The following PUS3 variants were observed in gnomAD, a reference collection of about 807,000 sequenced individuals.
PUS3 encodes the protein pseudouridine synthase 3.
In PUS3, 36 loss-of-function variants were observed where a neutral mutation model predicts 43.3. The ratio of observed to expected loss-of-function variants is 0.83; its 90% CI spans 0.64 to 1.10. The LOEUF is 1.10. Among genes scored for constraint, PUS3 ranks in the 50% least tolerant of loss-of-function variants. The pLI is 0.00. For missense variants in PUS3, 544 were observed against 589.9 expected, an observed-to-expected ratio of 0.92 and a Z score of 0.81; for synonymous variants, 183 against 199.2, an observed-to-expected ratio of 0.92 and a Z score of 0.69.
chr11:125,893,696 T>G lies in PUS3; in HGVS notation c.*89A>C. On this transcript the variant is annotated 3_prime_UTR_variant, in exon 4 of 4. Coordinates refer to ENST00000227474, the MANE Select transcript of PUS3 (RefSeq NM_031307.4). Reference sequence around the variant, plus strand: ...TCTTTTAAGAGCTGATCATCTGAATTCCTAGTACTTGCAAGTAAATTTTTT... The same window carrying G: ...TCTTTTAAGAGCTGATCATCTGAATGCCTAGTACTTGCAAGTAAATTTTTT... The G allele has an allele frequency of 9.8e-7, 1 of 1,023,730 alleles. No individual in the cohort carries two copies. Among genetic ancestry groups the G allele is most frequent in the Non-Finnish European group, 1.4e-6 (1 of 727,604 alleles). The allele number at this position is 1,023,730 out of a possible 1,614,324, so 63.4% of individuals were successfully genotyped here.
At chr11:125,900,409 C>A in intron 1 of PUS3, 1 of 741,440 alleles carries the variant, frequency 1.3e-6, no homozygotes, top group Non-Finnish European at 2.3e-6. Flanking sequence ...TCTTTCCTAG[C>A]TATATATCAC....
In PUS3 at chr11:125,899,504, A is replaced by G. The variant is rs368826491; in HGVS notation, c.-46-3174T>C. 8 of 1,614,064 alleles carry G rather than the reference A, an allele frequency of 5.0e-6. No homozygotes were observed. Among genetic ancestry groups the G allele is most frequent in the Non-Finnish European group, 5.9e-6 (7 of 1,180,050 alleles). ...AGATGTCAGGAGAGAAGCCCAATCT[A>G]TCCAATATGATCCCTACAGTAAAGC... is the stretch of plus-strand genomic sequence containing the variant. On this transcript the variant is annotated intron_variant, in intron 1 of 3. Coordinates refer to ENST00000227474, the MANE Select transcript of PUS3 (RefSeq NM_031307.4).
intron 1 of PUS3, chr11:125,900,286 T>A: frequency 6.2e-7 from 1 of 1,612,354 alleles, no homozygotes. Flanking sequence ...TAAACTTCTT[T>A]CACAGGATTG....
rs573833048 is a variant in PUS3, at chr11:125,897,754, G to A, written c.-46-1424C>T. ...GAATAGAGACACAAGCTCTATTAAT[G>A]TATGGTCAGTACAGCTTCTTTGGAG... On this transcript the variant is annotated intron_variant, in intron 1 of 3. Transcript: ENST00000227474. Among the ~76,000 whole-genome samples the A allele has an allele frequency of 2.0e-5, 3 of 152,298 alleles. No individual in the cohort carries two copies. In the South Asian group the frequency reaches 6.2e-4, roughly 32 times the overall value.
chr11:125,900,594 T>C, intron 1 of PUS3: 1 of 337,848 alleles, frequency 3.0e-6, no homozygotes, highest in Non-Finnish European at 5.8e-6. Flanking sequence ...TCAGTGTGTG[T>C]TTTTTAAGTT....
In PUS3 at chr11:125,899,985, A is replaced by G. The variant is rs777290334; in HGVS notation, c.-47+3185T>C. 5.0e-6 allele frequency: 8 copies of G among 1,614,094 alleles called. No homozygotes were observed. In the African/African-American group the frequency reaches 9.3e-5, roughly 19 times the overall value. On this transcript the variant is annotated intron_variant, in intron 1 of 3. Coordinates refer to ENST00000227474, the MANE Select transcript of PUS3 (RefSeq NM_031307.4). ...CCAAAGCTGGACCAGTTAAGCCGAAACCGGGGCAAGACAGACCGGGTAGCC... is the reference window on the plus strand; with the variant it reads ...CCAAAGCTGGACCAGTTAAGCCGAAGCCGGGGCAAGACAGACCGGGTAGCC...
Position 125,895,590 on chromosome 11 carries a change from C to T in PUS3, c.578G>A (p.Arg193Gln), listed in dbSNP as rs576405108. 10 of 1,614,102 alleles carry T rather than the reference C, an allele frequency of 6.2e-6. No homozygotes were observed. The highest frequency in any genetic ancestry group is 4.5e-5 in the East Asian group (2 of 44,904). Residue 193 changes from arginine (R) to glutamine (Q), a missense_variant, in exon 3 of 4, where the codon CGG becomes CAG. Transcript: ENST00000227474. ...SFSARFSCLE[R>Q]TYRYFFPRAD... ...ACGAGGGAAAAAATAGCGGTAAGTC[C>T]GCTCAAGGCAGCTGAACCTAGCACT...
Position 125,893,773 on chromosome 11 carries a change from A to C in PUS3, c.*12T>G, listed in dbSNP as rs200663209. The stretch of plus-strand genomic sequence containing the variant: ...ATTAGGTGGTTCCTAGATCCTGGCA[A>C]ATTGTCTATGGTTAAATGATGCTTT... On this transcript the variant is annotated 3_prime_UTR_variant, in exon 4 of 4. Coordinates refer to ENST00000227474, the MANE Select transcript of PUS3 (RefSeq NM_031307.4). 56 of 1,583,490 alleles carry C rather than the reference A, an allele frequency of 3.5e-5. No homozygotes were observed. In the African/African-American group the frequency reaches 6.9e-4, roughly 20 times the overall value.
rs757401869 is a variant in PUS3 at position 125,899,683 on chromosome 11, G to A, written c.-46-3353C>T. Reference sequence around the variant, plus strand: ...AGGTGCTGCGCAGAAAGCCAGATGGGGAAGTATTAGTAACAGATGAGTCGA... The same window carrying A: ...AGGTGCTGCGCAGAAAGCCAGATGGAGAAGTATTAGTAACAGATGAGTCGA... On this transcript the variant is annotated intron_variant, in intron 1 of 3. Coordinates refer to ENST00000227474, the MANE Select transcript of PUS3 (RefSeq NM_031307.4). The A allele has an allele frequency of 6.2e-7, 1 of 1,614,160 alleles. No homozygotes were observed. Among genetic ancestry groups the A allele is most frequent in the Non-Finnish European group, 8.5e-7 (1 of 1,180,028 alleles).
intron 1 of PUS3, chr11:125,900,994 G>C (rs1171703519): frequency 8.9e-6 from 1 of 112,960 alleles, no homozygotes. Context: ...CTGGGCGACA[G>C]CGAGACTCCG....
chr11:125,901,004 G>C (rs1944756504), intron 1 of PUS3, among the ~76,000 whole-genome samples: 1 of 43,442 alleles, frequency 2.3e-5, no homozygotes, highest in Non-Finnish European at 4.3e-5. Context: ...GCGAGACTCC[G>C]TCTCAAAAAA....
In PUS3 at chr11:125,896,080, T is replaced by C. The variant is rs148523530; in HGVS notation, c.205A>G (p.Ile69Val). The change falls in exon 2 of 4, where the codon ATA (isoleucine) becomes GTA (valine). Residue 69 changes from isoleucine (I) to valine (V), a missense_variant. Physicochemically the swap from Ile to Val is conservative, Grantham distance 29. Transcript: ENST00000227474. Reference protein sequence around the residue: ...AHGRRHVALRIAYMGWGYQGF... With the variant: ...AHGRRHVALRVAYMGWGYQGF... ...TGGTATCCCCAGCCCATATAGGCTA[T>C]TCTTAGGGCTACGTGTCTTCGGCCA... is the stretch of plus-strand genomic sequence containing the variant. 529 of 1,614,128 alleles carry C rather than the reference T, an allele frequency of 3.3e-4. 2 individuals are homozygous for C. Among genetic ancestry groups the C allele is most frequent in the South Asian group, 1.1e-3 (101 of 91,088 alleles).
rs1470920334 is a variant in PUS3 at position 125,902,366 on chromosome 11, G to A, written c.-47+804C>T. 4.6e-5 allele frequency among the ~76,000 whole-genome samples: 7 copies of A among 151,916 alleles called. No individual in the cohort carries two copies. The South Asian group carries it at 1.0e-3, about 23-fold the overall frequency. On this transcript the variant is annotated intron_variant, in intron 1 of 3. Transcript: ENST00000227474. ...TCCCAACATTTTGAGAGGCCAAGAC[G>A]GGGTGGTGGCGGGGGGGAGGGGGGG...
chr11:125,894,765 A>G (rs1944522854), intron 3 of PUS3, among the ~76,000 whole-genome samples: 1 of 152,242 alleles, frequency 6.6e-6, no homozygotes, highest in Non-Finnish European at 1.5e-5. Context: ...GCAAGATTTA[A>G]TATGAATAGT....
At chr11:125,902,964 A>T (rs1944818055) in intron 1 of PUS3, among the ~76,000 whole-genome samples, 2 of 152,124 alleles carry the variant, frequency 1.3e-5, no homozygotes, top group Non-Finnish European at 2.9e-5. Context: ...GTTTCCACCG[A>T]GAGCTCCAGA....
Position 125,903,191 on chromosome 11 carries a change from G to A in PUS3, c.-68C>T, listed in dbSNP as rs549113400. ...TTACTTTCCGGCAGCCGGCCGCGCC[G>A]CGTTTCCGAGAAAGGAAGCTGTCAC... On this transcript the variant is annotated 5_prime_UTR_variant, in exon 1 of 4. Coordinates refer to ENST00000227474, the MANE Select transcript of PUS3 (RefSeq NM_031307.4). 8 of 985,360 alleles carry A rather than the reference G, an allele frequency of 8.1e-6. No homozygotes were observed. The South Asian group carries it at 2.3e-4, about 29-fold the overall frequency. The allele number at this position is 985,360 out of a possible 1,614,324, so 61.0% of individuals were successfully genotyped here.
chr11:125,899,294 A>G, intron 1 of PUS3: 1 of 1,366,260 alleles, frequency 7.3e-7, no homozygotes, highest in Non-Finnish European at 1.0e-6. Context: ...TGAGCAATTT[A>G]TGAGCTGGGA....
At chr11:125,900,424 G>C (rs1944736373) in intron 1 of PUS3, 1 of 677,696 alleles carries the variant, frequency 1.5e-6, no homozygotes, top group Non-Finnish European at 2.6e-6. Flanking sequence ...TATCACATTG[G>C]TATCAGATGA....
rs753044860 is a variant in PUS3 at position 125,895,985 on chromosome 11, A to G, written c.300T>C (p.Thr100=). 11 of 1,614,084 alleles carry G rather than the reference A, an allele frequency of 6.8e-6. No homozygotes were observed. Among genetic ancestry groups the G allele is most frequent in the Non-Finnish European group, 9.3e-6 (11 of 1,180,024 alleles). Residue 100 remains threonine (T), a synonymous_variant, in exon 2 of 4, where the codon ACT becomes ACC. Coordinates refer to ENST00000227474, the MANE Select transcript of PUS3 (RefSeq NM_031307.4). ...EEKLFEALTK[T]RLVESRQTSN... is the part of the protein sequence containing the mutation. ...ATGTCTGTCTGCTTTCTACTAGTCG[A>G]GTCTTGGTTAGAGCTTCAAACAGTT...
Sources: allele counts gnomAD v4.1 joint callset (sites outside exome capture counted in the v4.1 genomes callset), GRCh38; gene constraint gnomAD v4.1.1; transcripts MANE v1.5; gene names NCBI Gene and HGNC (gene_info 2026-07-23, HGNC 2026-07-21).